HLCS: variants seen among roughly 807,000 people sequenced by gnomAD.
HLCS encodes the protein biotin--protein ligase.
A neutral mutation model predicts 75.0 loss-of-function variants in HLCS; 53 were observed. That is an observed-to-expected ratio of 0.71 (90% CI 0.57 to 0.89). HLCS has a LOEUF of 0.89. Among genes scored for constraint, HLCS ranks in the 40% least tolerant of loss-of-function variants. The pLI is 0.00. For synonymous variants in HLCS, 431 were observed against 428.6 expected (o/e 1.01, Z -0.07); for missense variants, 966 against 1,074.0 (o/e 0.90, Z 1.41).
upstream of HLCS, among the ~76,000 whole-genome samples, chr21:36,971,375 AAG>A: frequency 6.6e-6 from 1 of 152,308 alleles, no homozygotes; most frequent in East Asian, 1.9e-4. Flanking sequence ...TCTGGTGTTC[AAG>A]AGATACCAGA....
intron 6 of HLCS, among the ~76,000 whole-genome samples, chr21:36,848,856 A>C (rs1168558504): frequency 6.6e-6 from 1 of 152,248 alleles, no homozygotes; most frequent in Non-Finnish European, 1.5e-5. Context: ...ACAGAGTTTA[A>C]GGAAAGAAAA....
chr21:36,961,289 G>A (rs906683241), intron 2 of HLCS, among the ~76,000 whole-genome samples: 6 of 152,336 alleles, frequency 3.9e-5, no homozygotes, highest in African/African-American at 1.4e-4. Flanking sequence ...TGGATGAGAT[G>A]ACCTGAGAGA....
intron 4 of HLCS, among the ~76,000 whole-genome samples, chr21:36,931,895 G>A (rs953772383): frequency 2.6e-5 from 4 of 152,190 alleles, no homozygotes; most frequent in African/African-American, 9.7e-5. Flanking sequence ...CTGTGGGTCC[G>A]TACGCTCTCC....
intron 2 of HLCS, among the ~76,000 whole-genome samples, chr21:36,941,533 A>C (rs573787214): frequency 6.6e-6 from 1 of 152,344 alleles, no homozygotes; most frequent in East Asian, 1.9e-4. Flanking sequence ...TAAGGAAATA[A>C]TAGTCTTTTC....
intron 5 of HLCS, among the ~76,000 whole-genome samples, chr21:36,913,708 C>A (rs2065815251): frequency 1.3e-5 from 2 of 152,060 alleles, no homozygotes; most frequent in South Asian, 2.1e-4. Context: ...TTGCAGTGAG[C>A]CGAGATGGTG....
intron 6 of HLCS, among the ~76,000 whole-genome samples, chr21:36,809,351 C>T (rs1273264774): frequency 6.6e-6 from 1 of 152,116 alleles, no homozygotes; most frequent in Non-Finnish European, 1.5e-5. Context: ...TGGCTTTTCT[C>T]TTGTTGCTTT....
intron 5 of HLCS, among the ~76,000 whole-genome samples, chr21:36,902,893 A>T (rs954903499): frequency 6.6e-6 from 1 of 152,190 alleles, no homozygotes; most frequent in Non-Finnish European, 1.5e-5. Context: ...AGCAGAGAGG[A>T]GGCAGTGAGC....
At position 36,806,479 on chromosome 21, in the gene HLCS, A is replaced by C. The variant is rs562211331; in HGVS notation, c.1893-39194T>G. 1.9e-4 allele frequency among the ~76,000 whole-genome samples: 29 copies of C among 152,292 alleles called. No homozygotes were observed. The South Asian group carries it at 2.1e-3, about 11-fold the overall frequency. On this transcript the variant is annotated intron_variant, in intron 6 of 10. Transcript: ENST00000674895. ...AGCAGGTGAGGTTTCCGAAAAAAAAACCAAGTGAAATGAAAGGTGACGGTC... is the reference window on the plus strand; with the variant it reads ...AGCAGGTGAGGTTTCCGAAAAAAAACCCAAGTGAAATGAAAGGTGACGGTC...
intron 5 of HLCS, among the ~76,000 whole-genome samples, chr21:36,924,748 G>T (rs367805968): frequency 3.9e-5 from 6 of 152,170 alleles, no homozygotes; most frequent in African/African-American, 1.4e-4. Flanking sequence ...ACAAAGACGA[G>T]GAATTATCCC....
intron 5 of HLCS, among the ~76,000 whole-genome samples, chr21:36,902,442 C>A (rs1270755540): frequency 6.6e-6 from 1 of 152,180 alleles, no homozygotes. Context: ...TCTGCGGACA[C>A]CTGGTCTTAT....
chr21:36,868,671 C>T (rs866019805), intron 6 of HLCS, among the ~76,000 whole-genome samples: 5 of 151,148 alleles, frequency 3.3e-5, no homozygotes, highest in Non-Finnish European at 5.9e-5. Flanking sequence ...AAAAAAAAGG[C>T]GTCATGAGAA....
chr21:36,858,359 G>A (rs563395740), intron 6 of HLCS, among the ~76,000 whole-genome samples: 1 of 152,210 alleles, frequency 6.6e-6, no homozygotes, highest in East Asian at 1.9e-4. Flanking sequence ...ATTTCAGGAT[G>A]GGACTCTGTC....
chr21:36,944,481 G>C (rs1189412513), intron 2 of HLCS, among the ~76,000 whole-genome samples: 2 of 152,150 alleles, frequency 1.3e-5, no homozygotes, highest in African/African-American at 2.4e-5. Context: ...ACAGAACTGT[G>C]CATCTAAAAT....
chr21:36,834,340 T>C (rs7279278), intron 6 of HLCS, among the ~76,000 whole-genome samples: 21,072 of 152,038 alleles, frequency 0.14, 1,572 homozygotes, highest in African/African-American at 0.18. Context: ...GGAGTGTGCA[T>C]GAGGGGAGAA....
intron 6 of HLCS, among the ~76,000 whole-genome samples, chr21:36,824,255 C>T (rs1041149542): frequency 3.3e-5 from 5 of 152,130 alleles, no homozygotes; most frequent in African/African-American, 7.2e-5. Context: ...TAATACTATG[C>T]GGCCATAAAA....
At chr21:36,807,537 G>A (rs1181659690) in intron 6 of HLCS, among the ~76,000 whole-genome samples, 1 of 152,080 alleles carries the variant, frequency 6.6e-6, no homozygotes, top group Non-Finnish European at 1.5e-5. Context: ...CTGATGATCC[G>A]CCCACTGCCT....
chr21:36,968,011 C>T (rs929238070), upstream of HLCS, among the ~76,000 whole-genome samples: 11 of 152,072 alleles, frequency 7.2e-5, 1 homozygote, highest in East Asian at 1.7e-3. Context: ...TGAACCACCG[C>T]GCCCAGCTAG....
At chr21:36,818,236 A>T (rs2061719787) in intron 6 of HLCS, among the ~76,000 whole-genome samples, 1 of 152,208 alleles carries the variant, frequency 6.6e-6, no homozygotes, top group African/African-American at 2.4e-5. Context: ...TAGTTAGCAC[A>T]TTGCCTACTT....
At position 36,911,848 on chromosome 21, in the gene HLCS, A is replaced by G. The variant is rs577280895; in HGVS notation, c.1621-14717T>C. On this transcript the variant is annotated intron_variant, in intron 5 of 10. Transcript: ENST00000674895. ...CTTTGGGAGGGGCCGAGGTGGGTGG[A>G]TCACCTGAGGTCAGAAGTTTGAGAC... is the stretch of plus-strand genomic sequence containing the variant. Among the ~76,000 whole-genome samples the G allele has an allele frequency of 1.2e-3, 177 of 151,472 alleles. 2 individuals carry two copies. The highest frequency in any genetic ancestry group is 1.7e-3 in the Non-Finnish European group (114 of 67,930).
Sources: allele counts gnomAD v4.1 joint callset (sites outside exome capture counted in the v4.1 genomes callset), GRCh38; gene constraint gnomAD v4.1.1; transcripts MANE v1.5; gene names NCBI Gene and HGNC (gene_info 2026-07-23, HGNC 2026-07-21).